Variants in OSBP observed in about 807,000 individuals in gnomAD.
OSBP encodes the protein oxysterol binding protein.
A neutral mutation model predicts 96.6 loss-of-function variants in OSBP; 32 were observed. That is an observed-to-expected ratio of 0.33 (90% CI 0.25 to 0.45). OSBP has a LOEUF of 0.45. OSBP is among the 20% of genes least tolerant of loss of function. The pLI is 1.00. For synonymous variants in OSBP, 369 were observed against 389.6 expected, an observed-to-expected ratio of 0.95 and a Z score of 0.62; for missense variants, 653 against 1,029.7, an observed-to-expected ratio of 0.63 and a Z score of 5.01.
intron 1 of OSBP, 102 bp from the exon 2 acceptor site, chr11:59,610,691 A>G (rs1366385613): frequency 1.1e-6 from 1 of 932,272 alleles, no homozygotes; most frequent in Non-Finnish European, 1.7e-6. Context: ...AAAATATGAC[A>G]GTCTTAGGAA....
rs756103321 is a variant in OSBP at position 59,608,738 on chromosome 11, T to C, written c.572-4A>G. The C allele has an allele frequency of 1.4e-5, 23 of 1,613,852 alleles. No homozygotes were observed. Among genetic ancestry groups the C allele is most frequent in the Non-Finnish European group, 1.8e-5 (21 of 1,179,874 alleles). On this transcript the variant is annotated splice_polypyrimidine_tract_variant and splice_region_variant and intron_variant, in intron 2 of 13. Coordinates refer to ENST00000263847, the MANE Select transcript of OSBP (RefSeq NM_002556.3). ...GACTCTTCATCTCCTGATTCATCTG[T>C]AGGAATGAAAAGAAAGGTTATATGA...
At chr11:59,593,365 T>C (rs1860608931) in intron 9 of OSBP, 1 of 458,324 alleles carries the variant, frequency 2.2e-6, no homozygotes, top group Admixed American at 3.5e-5. Context: ...TGCTTAGAGA[T>C]GCGTTAAATA....
At position 59,578,178 on chromosome 11, in the gene OSBP, C is replaced by T. The variant is rs1410488739; in HGVS notation, c.2031G>A (p.Arg677=). Residue 677 remains arginine, a synonymous_variant, in exon 12 of 14, where the codon AGG becomes AGA. Coordinates refer to ENST00000263847, the MANE Select transcript of OSBP (RefSeq NM_002556.3). ...AAGGATTCCTTTTCCACAGCATGAC[C>T]CTGCTTTCCTCTGCTTCATGGCCTC... The part of the protein sequence containing the change: ...RQRGHEAEES[R]VMLWKRNPLP... 4.3e-6 allele frequency: 7 copies of T among 1,614,074 alleles called. No individual in the cohort carries two copies. The Admixed American group carries it at 6.7e-5, about 15-fold the overall frequency.
chr11:59,614,998 T>C (rs1391560231), intron 1 of OSBP, among the ~76,000 whole-genome samples: 1 of 152,168 alleles, frequency 6.6e-6, no homozygotes, highest in Non-Finnish European at 1.5e-5. Context: ...ATTGCACCCA[T>C]GTGCTGGTGG....
chr11:59,598,975 C>T (rs1349377829), intron 7 of OSBP, among the ~76,000 whole-genome samples: 3 of 152,334 alleles, frequency 2.0e-5, no homozygotes, highest in African/African-American at 7.2e-5. Context: ...CAAGCTGGAG[C>T]AGCCACTTTG....
chr11:59,593,937 A>ACCC, intron 8 of OSBP, 73 bp downstream of exon 8: 1 of 1,566,952 alleles, frequency 6.4e-7, no homozygotes, highest in Non-Finnish European at 8.7e-7. Flanking sequence ...CAAACATAAG[A>ACCC]CCCAGGGGAT....
intron 7 of OSBP, among the ~76,000 whole-genome samples, chr11:59,600,229 G>A (rs1328805071): frequency 1.3e-5 from 2 of 152,060 alleles, no homozygotes; most frequent in Non-Finnish European, 2.9e-5. Flanking sequence ...ATTTATCTTT[G>A]CATGTCCCCA....
chr11:59,600,678 G>A (rs545409437), intron 6 of OSBP, 51 bp from the exon 7 acceptor site: 10 of 1,592,634 alleles, frequency 6.3e-6, no homozygotes, highest in Non-Finnish European at 8.5e-6. Flanking sequence ...AGAAAACCTG[G>A]TATTTATAAC....
In OSBP at chr11:59,612,354, T is replaced by C. The variant is rs116241221; in HGVS notation, c.363-1765A>G. Among the ~76,000 whole-genome samples the C allele has an allele frequency of 3.8e-3, 581 of 152,264 alleles. 5 individuals carry two copies. The highest frequency in any genetic ancestry group is 0.012 in the African/African-American group (517 of 41,548). On this transcript the variant is annotated intron_variant, in intron 1 of 13. Coordinates refer to ENST00000263847, the MANE Select transcript of OSBP (RefSeq NM_002556.3). ...TACATTATGAATAATGCAGGCTGAA[T>C]TACAGATGCACAGCTGACAGGCCAG...
intron 7 of OSBP, among the ~76,000 whole-genome samples, 195 bp downstream of exon 7, chr11:59,600,301 A>C (rs1425054777): frequency 6.6e-6 from 1 of 152,212 alleles, no homozygotes; most frequent in Non-Finnish European, 1.5e-5. Context: ...ATCTGATTCT[A>C]GGTGATCTGG....
chr11:59,586,953 A>C (rs531175203), intron 9 of OSBP, among the ~76,000 whole-genome samples: 1 of 152,306 alleles, frequency 6.6e-6, no homozygotes, highest in East Asian at 1.9e-4. Flanking sequence ...GCTTCACAAC[A>C]TTGGGTTTGG....
At chr11:59,602,465 A>G (rs1860735488) in intron 3 of OSBP, among the ~76,000 whole-genome samples, 2 of 152,210 alleles carry the variant, frequency 1.3e-5, no homozygotes, top group Admixed American at 6.5e-5. Flanking sequence ...CACAAATATG[A>G]TTATATCAAG....
intron 3 of OSBP, among the ~76,000 whole-genome samples, chr11:59,602,671 G>A (rs562454110): frequency 7.2e-5 from 11 of 152,324 alleles, no homozygotes; most frequent in African/African-American, 2.4e-4. Context: ...GCACAGTCTG[G>A]AGTAGAGTGC....
chr11:59,580,732 T>C (rs1860410910), intron 10 of OSBP, among the ~76,000 whole-genome samples: 1 of 152,160 alleles, frequency 6.6e-6, no homozygotes, highest in East Asian at 1.9e-4. Flanking sequence ...TTGCCCAGGC[T>C]AGTCTCAAAC....
Position 59,601,851 on chromosome 11 carries a change from A to G in OSBP, c.823-13T>C. On this transcript the variant is annotated splice_polypyrimidine_tract_variant and intron_variant, in intron 3 of 13. Transcript: ENST00000263847. The stretch of plus-strand genomic sequence containing the variant: ...AATCTCTGCAGGCCTGTATGGAGAA[A>G]GCGTTGACTGTGTCAGCTCAACTAG... The G allele has an allele frequency of 6.2e-7, 1 of 1,612,758 alleles. No homozygotes were observed. Among genetic ancestry groups the G allele is most frequent in the Non-Finnish European group, 8.5e-7 (1 of 1,178,916 alleles).
intron 9 of OSBP, among the ~76,000 whole-genome samples, chr11:59,591,888 T>G (rs1229651245): frequency 1.3e-5 from 2 of 152,212 alleles, no homozygotes; most frequent in African/African-American, 4.8e-5. Context: ...CCCAAAGTGC[T>G]GGGATTACAG....
intron 9 of OSBP, among the ~76,000 whole-genome samples, chr11:59,582,972 A>G (rs1488235162): frequency 6.6e-6 from 1 of 152,200 alleles, no homozygotes; most frequent in Non-Finnish European, 1.5e-5. Context: ...GAGATAATTG[A>G]GGATTCAAAA....
intron 7 of OSBP, among the ~76,000 whole-genome samples, chr11:59,595,843 C>G (rs1220384368): frequency 6.6e-6 from 1 of 151,430 alleles, no homozygotes; most frequent in Non-Finnish European, 1.5e-5. Flanking sequence ...ACTTGGGAGG[C>G]TGAGGTGGGA....
At chr11:59,610,669 C>T (rs1860832298) in intron 1 of OSBP, 80 bp from the exon 2 acceptor site, 5 of 1,121,056 alleles carry the variant, frequency 4.5e-6, no homozygotes, top group Admixed American at 1.9e-5. Context: ...TTTCATAACT[C>T]TGAGCTCCCT....
Sources: gnomAD v4.1 joint callset for allele counts (sites outside exome capture counted in the v4.1 genomes callset) on GRCh38, gnomAD v4.1.1 for gene constraint, MANE v1.5 for transcripts, NCBI Gene and HGNC (gene_info 2026-07-23, HGNC 2026-07-21) for gene names.